The following CUL5 variants were observed in gnomAD, a reference collection of about 807,000 sequenced individuals.
The protein encoded by CUL5 is cullin 5.
A neutral mutation model predicts 108.8 loss-of-function variants in CUL5; 26 were observed. That is an observed-to-expected ratio of 0.24 (90% CI 0.18 to 0.33). The LOEUF is 0.33. Ranked by LOEUF, CUL5 falls within the 10% of genes least tolerant of loss-of-function variation. The pLI is 1.00. For synonymous variants in CUL5, 334 were observed against 298.0 expected, an observed-to-expected ratio of 1.12 and a Z score of -1.25; for missense variants, 524 against 909.2, an observed-to-expected ratio of 0.58 and a Z score of 5.45.
At chr11:108,070,032 G>T in intron 7 of CUL5, 64 bp from the exon 8 acceptor site, 1 of 970,140 alleles carries the variant, frequency 1.0e-6, no homozygotes, top group Non-Finnish European at 1.6e-6. Flanking sequence ...TTTATTTTGT[G>T]AGTTAGAATA....
intron 18 of CUL5, among the ~76,000 whole-genome samples, chr11:108,099,165 C>T (rs1864578781): frequency 6.6e-6 from 1 of 152,068 alleles, no homozygotes; most frequent in Non-Finnish European, 1.5e-5. Flanking sequence ...CCACCACACT[C>T]AGCTAATTTT....
At chr11:108,064,025 C>G (rs186996899) in intron 7 of CUL5, among the ~76,000 whole-genome samples, 7 of 152,284 alleles carry the variant, frequency 4.6e-5, no homozygotes, top group Non-Finnish European at 7.4e-5. Context: ...CTTTCTTTCT[C>G]TTGTCTGATT....
At chr11:108,036,833 A>C (rs1245932876) in intron 2 of CUL5, among the ~76,000 whole-genome samples, 1 of 152,190 alleles carries the variant, frequency 6.6e-6, no homozygotes, top group African/African-American at 2.4e-5. Context: ...TTCAGTGTTT[A>C]TAAGAGTAAC....
chr11:108,074,224 C>T (rs369122457), intron 10 of CUL5, among the ~76,000 whole-genome samples: 70 of 96,866 alleles, frequency 7.2e-4, no homozygotes, highest in African/African-American at 2.5e-3. Context: ...GACTGAGTTT[C>T]GCTCTTGTTG....
intron 7 of CUL5, among the ~76,000 whole-genome samples, chr11:108,061,751 A>G (rs554065973): frequency 6.6e-6 from 1 of 152,246 alleles, no homozygotes; most frequent in African/African-American, 2.4e-5. Context: ...TCACACTGCT[A>G]TAAAGATAAC....
intron 4 of CUL5, among the ~76,000 whole-genome samples, chr11:108,051,717 T>G (rs1038308420): frequency 2.6e-5 from 4 of 152,208 alleles, no homozygotes; most frequent in African/African-American, 9.7e-5. Flanking sequence ...AGATTTTCAG[T>G]TGGTCCTTTT....
At chr11:108,093,487 AT>A (rs1399417864) in intron 13 of CUL5, among the ~76,000 whole-genome samples, 1 of 152,044 alleles carries the variant, frequency 6.6e-6, no homozygotes, top group African/African-American at 2.4e-5. Flanking sequence ...CTATAACTCC[AT>A]TTATGTTCTA....
intron 11 of CUL5, among the ~76,000 whole-genome samples, chr11:108,086,621 A>G (rs957041613): frequency 4.6e-5 from 7 of 152,330 alleles, no homozygotes; most frequent in South Asian, 4.1e-4. Context: ...CAGTATGGAT[A>G]CTTTCAAGGG....
In CUL5 at chr11:108,009,143, C is replaced by T. The variant is rs1007900747; in HGVS notation, c.-206C>T. On this transcript the variant is annotated 5_prime_UTR_variant, in exon 1 of 19. Transcript: ENST00000393094. ...TGAGGTCTTTCGCGTGGGGAAGCTCCGGTGACCATGTAGGGGAGAAGAGTG... is the reference window on the plus strand; with the variant it reads ...TGAGGTCTTTCGCGTGGGGAAGCTCTGGTGACCATGTAGGGGAGAAGAGTG... 6.7e-6 allele frequency: 4 copies of T among 601,086 alleles called. No homozygotes were observed. The highest frequency in any genetic ancestry group is 5.7e-5 in the African/African-American group (3 of 53,092). The allele number at this position is 601,086 out of a possible 1,614,324, so 37.2% of individuals were successfully genotyped here. A position where few individuals can be genotyped will look rare whatever the true frequency, so the allele number is the denominator to read the frequency against.
intron 13 of CUL5, among the ~76,000 whole-genome samples, chr11:108,091,487 T>G (rs1864358557): frequency 6.6e-6 from 1 of 151,934 alleles, no homozygotes; most frequent in African/African-American, 2.4e-5. Context: ...GCTCAGAGTT[T>G]GAGATGAGCC....
intron 3 of CUL5, among the ~76,000 whole-genome samples, chr11:108,048,602 A>G (rs1384884235): frequency 2.7e-5 from 4 of 148,500 alleles, no homozygotes; most frequent in Admixed American, 1.3e-4. Context: ...AAAGTAAATC[A>G]CAGGACCAGC....
intron 11 of CUL5, among the ~76,000 whole-genome samples, chr11:108,086,670 T>C (rs1864228976): frequency 6.6e-6 from 1 of 152,208 alleles, no homozygotes; most frequent in South Asian, 2.1e-4. Flanking sequence ...CATTCACTCT[T>C]TTCTAAAATT....
At chr11:108,033,010 C>G (rs1862633401) in intron 1 of CUL5, among the ~76,000 whole-genome samples, 1 of 152,154 alleles carries the variant, frequency 6.6e-6, no homozygotes, top group Non-Finnish European at 1.5e-5. Flanking sequence ...CAAAACCACT[C>G]TCAGGTTTGA....
chr11:108,050,711 A>G (rs1248553228), intron 4 of CUL5, among the ~76,000 whole-genome samples: 1 of 152,104 alleles, frequency 6.6e-6, no homozygotes, highest in Non-Finnish European at 1.5e-5. Flanking sequence ...CCTGTCTCAA[A>G]AATCCCCTTT....
chr11:108,027,220 C>T (rs1862472796), intron 1 of CUL5, among the ~76,000 whole-genome samples: 1 of 151,430 alleles, frequency 6.6e-6, no homozygotes, highest in Non-Finnish European at 1.5e-5. Context: ...TCACTGCAAC[C>T]TCCGCCTCCA....
intron 8 of CUL5, among the ~76,000 whole-genome samples, chr11:108,071,574 G>A (rs115477105): frequency 1.7e-3 from 263 of 152,036 alleles, no homozygotes; most frequent in African/African-American, 5.7e-3. Context: ...TTTTGAGACC[G>A]TCTTGCCCTG....
chr11:108,070,397 C>G (rs950506958), intron 8 of CUL5, among the ~76,000 whole-genome samples: 1 of 152,126 alleles, frequency 6.6e-6, no homozygotes, highest in Non-Finnish European at 1.5e-5. Flanking sequence ...CATTTTCCCT[C>G]TTAGCTATCA....
intron 18 of CUL5, among the ~76,000 whole-genome samples, chr11:108,100,766 C>G (rs916846926): frequency 6.6e-6 from 1 of 152,154 alleles, no homozygotes; most frequent in East Asian, 1.9e-4. Context: ...CGCGGTGGCT[C>G]ACGCCTGTAA....
At chr11:108,016,243 TTCTCTTCTCG>T (rs1862186275) in intron 1 of CUL5, among the ~76,000 whole-genome samples, 1 of 151,692 alleles carries the variant, frequency 6.6e-6, no homozygotes, top group Admixed American at 6.6e-5. Context: ...TTCTCTTCTC[TTCTCTTCTCG>T]TCTTCTCTTC....
Sources: gnomAD v4.1 joint callset for allele counts (sites outside exome capture counted in the v4.1 genomes callset) on GRCh38, gnomAD v4.1.1 for gene constraint, MANE v1.5 for transcripts, NCBI Gene and HGNC (gene_info 2026-07-23, HGNC 2026-07-21) for gene names.